The following SOBP variants were observed in gnomAD, a reference collection of about 807,000 sequenced individuals.
The protein encoded by SOBP is sine oculis-binding protein homolog.
Under a neutral mutation model 53.6 loss-of-function variants are expected in SOBP, and 4 were observed. The ratio of observed to expected loss-of-function variants is 0.07; its 90% CI spans 0.04 to 0.17. The LOEUF (loss-of-function observed/expected upper bound fraction) is 0.17, where lower values mean the gene tolerates loss of function less well. Among genes scored for constraint, SOBP ranks in the 10% least tolerant of loss-of-function variants. The pLI, the probability that SOBP is intolerant of heterozygous loss-of-function variation, is 1.00. For missense variants in SOBP, 1,088 were observed against 1,204.7 expected (o/e 0.90, Z 1.43); for synonymous variants, 584 against 522.6 (o/e 1.12, Z -1.60).
intron 4 of SOBP, among the ~76,000 whole-genome samples, chr6:107,540,608 T>C (rs1784123423): frequency 6.6e-6 from 1 of 152,236 alleles, no homozygotes; most frequent in African/African-American, 2.4e-5. Flanking sequence ...TGCTACAAGC[T>C]CTGTGAGGCA....
intron 5 of SOBP, among the ~76,000 whole-genome samples, chr6:107,598,417 C>T (rs900093156): frequency 6.6e-6 from 1 of 152,126 alleles, no homozygotes; most frequent in African/African-American, 2.4e-5. Context: ...GATGGAAGGG[C>T]ATCCCAGAGA....
Position 107,634,953 on chromosome 6 carries a change from C to G in SOBP, c.2109C>G (p.Ala703=). ...CRDGHCSPPA[A]GDPGPGAPAG... is the part of the protein sequence containing the mutation. ...ACGGCCACTGCAGCCCGCCCGCCGC[C>G]GGCGACCCAGGCCCGGGCGCCCCGG... Residue 703 remains alanine, a synonymous_variant, in exon 6 of 7, where the codon GCC becomes GCG. Transcript: ENST00000317357. The surrounding 1 kb of genome is among the most constrained non-coding windows in gnomAD (Gnocchi z 4.5). 1 of 1,047,210 alleles carries G rather than the reference C, an allele frequency of 9.5e-7. No individual in the cohort carries two copies. Among genetic ancestry groups the G allele is most frequent in the Non-Finnish European group, 1.1e-6 (1 of 872,298 alleles). The allele number at this position is 1,047,210 out of a possible 1,614,324, so 64.9% of individuals were successfully genotyped here.
chr6:107,509,894 A>C (rs1479026427), intron 3 of SOBP: 1 of 152,184 alleles, frequency 6.6e-6, no homozygotes, highest in Non-Finnish European at 1.5e-5. Context: ...AGGGAAGGAC[A>C]TGTTTAATTT....
intron 5 of SOBP, among the ~76,000 whole-genome samples, chr6:107,623,395 A>G (rs1189197913): frequency 6.6e-6 from 1 of 152,210 alleles, no homozygotes; most frequent in Non-Finnish European, 1.5e-5. Context: ...ATATTTAACA[A>G]AAGAGGATGA....
In SOBP at chr6:107,633,657, T is replaced by A. The variant is rs958356088; in HGVS notation, c.813T>A (p.Leu271=). Reference sequence around the variant, plus strand: ...TCTACAAAGAGACCCAGGCCAATCTTCCAGCTGGGCTGTGCAGCACATTAC... The same window carrying A: ...TCTACAAAGAGACCCAGGCCAATCTACCAGCTGGGCTGTGCAGCACATTAC... ...DIFYKETQAN[L]PAGLCSTLHP... Residue 271 remains leucine (L), a synonymous_variant, in exon 6 of 7, where the codon CTT becomes CTA. Coordinates refer to ENST00000317357, the MANE Select transcript of SOBP (RefSeq NM_018013.4). The A allele has an allele frequency of 7.4e-6, 12 of 1,614,234 alleles. No individual in the cohort carries two copies. The highest frequency in any genetic ancestry group is 1.0e-5 in the Non-Finnish European group (12 of 1,180,044).
chr6:107,611,547 A>G (rs1453565984), intron 5 of SOBP, among the ~76,000 whole-genome samples: 1 of 152,184 alleles, frequency 6.6e-6, no homozygotes, highest in Non-Finnish European at 1.5e-5. Flanking sequence ...GCTGAGTAGA[A>G]GCTATCACTT....
chr6:107,610,051 C>T (rs1156377903), intron 5 of SOBP, among the ~76,000 whole-genome samples: 1 of 152,188 alleles, frequency 6.6e-6, no homozygotes, highest in East Asian at 1.9e-4. Context: ...TTAGTCACAT[C>T]TTATCCAGTT....
chr6:107,578,073 CAAAAAAA>C (rs11362582), intron 4 of SOBP, among the ~76,000 whole-genome samples: 2 of 87,454 alleles, frequency 2.3e-5, no homozygotes, highest in Non-Finnish European at 4.6e-5. Flanking sequence ...GACTCTGTCT[CAAAAAAA>C]AAAAAAAAAA....
chr6:107,558,765 A>C (rs1288294976), intron 4 of SOBP, among the ~76,000 whole-genome samples: 2 of 152,118 alleles, frequency 1.3e-5, no homozygotes, highest in Non-Finnish European at 2.9e-5. Flanking sequence ...GTTAATTCAT[A>C]AGATACTAGA....
At chr6:107,539,900 C>T (rs1784105302) in intron 4 of SOBP, among the ~76,000 whole-genome samples, 1 of 152,160 alleles carries the variant, frequency 6.6e-6, no homozygotes, top group Non-Finnish European at 1.5e-5. Flanking sequence ...CACAAAGTTA[C>T]TCTTTGTGCC....
intron 4 of SOBP, among the ~76,000 whole-genome samples, chr6:107,535,249 C>A (rs1408430259): frequency 6.6e-6 from 1 of 152,128 alleles, no homozygotes; most frequent in Admixed American, 6.5e-5. Context: ...CTCCAGAATA[C>A]CATATCTATA....
intron 4 of SOBP, among the ~76,000 whole-genome samples, chr6:107,538,843 G>A (rs1784074988): frequency 6.6e-6 from 1 of 152,180 alleles, no homozygotes; most frequent in Admixed American, 6.5e-5. Context: ...ATGAGAGGCT[G>A]GAAAAAGCAA....
Position 107,634,864 on chromosome 6 carries a change from G to C in SOBP, c.2020G>C (p.Ala674Pro). 1.4e-6 allele frequency: 2 copies of C among 1,385,476 alleles called. No individual in the cohort carries two copies. Among genetic ancestry groups the C allele is most frequent in the Non-Finnish European group, 1.9e-6 (2 of 1,064,062 alleles). 85.8% of individuals were successfully genotyped at this position (1,385,476 alleles called of 1,614,324 possible). A position where few individuals can be genotyped will look rare whatever the true frequency, so the allele number is the denominator to read the frequency against. Reference protein sequence around the residue: ...LHNVIHRALHAHVKAEREPSA... With the variant: ...LHNVIHRALHPHVKAEREPSA... ...CAACGTGATCCACCGCGCGCTGCAC[G>C]CGCACGTCAAGGCGGAGCGCGAGCC... The change falls in exon 6 of 7, where the codon GCG becomes CCG. Residue 674 changes from alanine (A) to proline (P), a missense_variant. This residue lies in a region of SOBP where 665 missense variants were observed against 629.7 expected (regional missense o/e 1.06). Coordinates refer to ENST00000317357, the MANE Select transcript of SOBP (RefSeq NM_018013.4). This position sits in a 1 kb window ranked among gnomAD's most constrained non-coding sequence, Gnocchi z 4.5.
chr6:107,639,328 T>G (rs1357150859), intron 6 of SOBP, among the ~76,000 whole-genome samples: 1 of 152,182 alleles, frequency 6.6e-6, no homozygotes, highest in Non-Finnish European at 1.5e-5. Context: ...TTGTAAATTA[T>G]AGGGTTTTTT....
At chr6:107,499,374 G>T (rs1298964070) in intron 1 of SOBP, among the ~76,000 whole-genome samples, 2 of 152,206 alleles carry the variant, frequency 1.3e-5, no homozygotes, top group African/African-American at 4.8e-5. Flanking sequence ...TTATTGAAAG[G>T]ATCAGGAGAA....
At chr6:107,636,170 T>G (rs1214766617) in intron 6 of SOBP, 2 of 158,378 alleles carry the variant, frequency 1.3e-5, no homozygotes, top group African/African-American at 4.8e-5. Context: ...CCAGCTTTGC[T>G]CTCTCCCCCT....
At chr6:107,650,918 G>A (rs1431591204) in intron 6 of SOBP, among the ~76,000 whole-genome samples, 1 of 152,194 alleles carries the variant, frequency 6.6e-6, no homozygotes, top group East Asian at 1.9e-4. Flanking sequence ...AAGGCTACTT[G>A]TGCCAATCAA....
intron 5 of SOBP, among the ~76,000 whole-genome samples, chr6:107,625,311 G>T (rs981334532): frequency 6.6e-6 from 1 of 152,184 alleles, no homozygotes. Context: ...GCAACTTAGG[G>T]TGCCCACAGG....
Position 107,634,775 on chromosome 6 carries a change from G to A in SOBP, c.1931G>A (p.Gly644Asp), listed in dbSNP as rs926811608. ...GCGGGCGGCCAGCTCGGCTTCCCAG[G>A]CGTGCTGCAGGGCCCGCAGGACGGC... The part of the protein sequence containing the change: ...PGAGGQLGFP[G>D]VLQGPQDGVI... Residue 644 changes from glycine (G) to aspartate (D), a missense_variant, in exon 6 of 7, where the codon GGC becomes GAC. Coordinates refer to ENST00000317357, the MANE Select transcript of SOBP (RefSeq NM_018013.4). The surrounding 1 kb of genome is among the most constrained non-coding windows in gnomAD (Gnocchi z 4.5). 2.2e-6 allele frequency: 3 copies of A among 1,374,990 alleles called. No homozygotes were observed. The highest frequency in any genetic ancestry group is 3.0e-5 in the African/African-American group (2 of 65,952). 85.2% of individuals were successfully genotyped at this position (1,374,990 alleles called of 1,614,324 possible).
Sources: gnomAD v4.1 joint callset for allele counts (sites outside exome capture counted in the v4.1 genomes callset) on GRCh38, gnomAD v4.1.1 for gene constraint, gnomAD v4.1.1 regional missense constraint, Gnocchi (gnomAD v3.1) non-coding constraint, MANE v1.5 for transcripts, NCBI Gene and HGNC (gene_info 2026-07-23, HGNC 2026-07-21) for gene names.